Variants in FHIT observed in about 807,000 individuals in gnomAD.
FHIT encodes bis(5'-adenosyl)-triphosphatase.
In FHIT, 19 loss-of-function variants were observed where a neutral mutation model predicts 17.9. That is an observed-to-expected ratio of 1.06 (90% confidence interval 0.74 to 1.56). The LOEUF (loss-of-function observed/expected upper bound fraction) is 1.56. Ranked by LOEUF, FHIT falls within the 40% of genes most tolerant of loss-of-function variation. FHIT has a pLI of 0.00. For synonymous variants in FHIT, 81 were observed against 69.7 expected (o/e 1.16, Z -0.81); for missense variants, 248 against 189.2 (o/e 1.31, Z -1.82).
intron 5 of FHIT, among the ~76,000 whole-genome samples, chr3:60,047,910 G>A (rs751223498): frequency 2.6e-5 from 4 of 152,172 alleles, no homozygotes; most frequent in Admixed American, 6.5e-5. Flanking sequence ...AGGTGTATCA[G>A]TTTGGTGGGG....
intron 1 of FHIT, among the ~76,000 whole-genome samples, chr3:61,209,432 TC>T (rs1436264597): frequency 6.6e-6 from 1 of 152,220 alleles, no homozygotes; most frequent in African/African-American, 2.4e-5. Flanking sequence ...GGTTCCATTC[TC>T]CCCGTCACTT....
At chr3:61,000,421 A>C (rs568125317) in intron 3 of FHIT, among the ~76,000 whole-genome samples, 5 of 152,330 alleles carry the variant, frequency 3.3e-5, no homozygotes, top group African/African-American at 1.2e-4. Context: ...TAAGACATTA[A>C]AAGGTCAAAG....
At chr3:60,032,935 C>A (rs1253235446) in intron 5 of FHIT, among the ~76,000 whole-genome samples, 1 of 151,940 alleles carries the variant, frequency 6.6e-6, no homozygotes, top group Non-Finnish European at 1.5e-5. Flanking sequence ...ACACCAAACA[C>A]AAGATAGAGA....
chr3:60,549,615 G>T (rs1388161548), intron 4 of FHIT, among the ~76,000 whole-genome samples: 2 of 152,090 alleles, frequency 1.3e-5, no homozygotes, highest in East Asian at 3.9e-4. Context: ...CCAAAACTTT[G>T]TTAATGCCAG....
At chr3:60,654,099 G>A (rs911530492) in intron 4 of FHIT, among the ~76,000 whole-genome samples, 2 of 117,120 alleles carry the variant, frequency 1.7e-5, no homozygotes, top group Non-Finnish European at 3.5e-5. Flanking sequence ...TCCTGTCTTC[G>A]TCACATTATG....
At position 60,497,267 on chromosome 3, in the gene FHIT, G is replaced by C. The variant is rs184479418; in HGVS notation, c.103+39593C>G. 2.4e-3 allele frequency among the ~76,000 whole-genome samples: 372 copies of C among 152,066 alleles called. 2 individuals carry two copies. Among genetic ancestry groups the C allele is most frequent in the African/African-American group, 8.3e-3 (345 of 41,380 alleles). ...AAGGCAGCCCTAAAAACAGAGGAAG[G>C]AGAATAAGATGACAGGTGGGGAAGA... On this transcript the variant is annotated intron_variant, in intron 5 of 9. Transcript: ENST00000492590.
chr3:60,444,171 G>A (rs1423280198), intron 5 of FHIT, among the ~76,000 whole-genome samples: 1 of 152,030 alleles, frequency 6.6e-6, no homozygotes, highest in Non-Finnish European at 1.5e-5. Context: ...TTAGAATGGT[G>A]ATCATTAAAA....
rs560607280 is a variant in FHIT at position 61,109,724 on chromosome 3, T to C, written c.-163-67625A>G. 7.2e-5 allele frequency among the ~76,000 whole-genome samples: 11 copies of C among 152,266 alleles called. No homozygotes were observed. The South Asian group carries it at 2.3e-3, about 32-fold the overall frequency. The stretch of plus-strand genomic sequence containing the variant: ...TGTCATAAGGCATTTCTACACACTC[T>C]CACTTGAAGGAACCACCTCCATTAG... On this transcript the variant is annotated intron_variant, in intron 2 of 9. Transcript: ENST00000492590.
intron 2 of FHIT, among the ~76,000 whole-genome samples, chr3:61,164,984 T>C (rs1022784755): frequency 6.6e-6 from 1 of 152,246 alleles, no homozygotes; most frequent in Non-Finnish European, 1.5e-5. Context: ...TCTTTTTTTA[T>C]GACTGTATTG....
chr3:59,977,851 G>A (rs750265968), intron 7 of FHIT, among the ~76,000 whole-genome samples: 1 of 152,132 alleles, frequency 6.6e-6, no homozygotes, highest in Non-Finnish European at 1.5e-5. Context: ...TTAAATGATA[G>A]ACACATTAAA....
At chr3:60,168,406 C>T (rs901886262) in intron 5 of FHIT, among the ~76,000 whole-genome samples, 2 of 152,140 alleles carry the variant, frequency 1.3e-5, no homozygotes, top group Non-Finnish European at 2.9e-5. Context: ...TCTGCCAATA[C>T]CAACCATCAA....
intron 5 of FHIT, among the ~76,000 whole-genome samples, chr3:60,367,498 T>C (rs1216705570): frequency 2.0e-5 from 3 of 152,194 alleles, no homozygotes; most frequent in Admixed American, 6.6e-5. Context: ...AACGAGGAAG[T>C]GGGAAAATCT....
intron 8 of FHIT, among the ~76,000 whole-genome samples, chr3:59,830,061 G>T (rs2106699572): frequency 6.6e-6 from 1 of 152,206 alleles, no homozygotes; most frequent in East Asian, 1.9e-4. Flanking sequence ...GGGTGACAGA[G>T]ACCCTGTCTC....
At chr3:60,739,130 C>A (rs2108005162) in intron 4 of FHIT, among the ~76,000 whole-genome samples, 1 of 152,284 alleles carries the variant, frequency 6.6e-6, no homozygotes, top group African/African-American at 2.4e-5. Context: ...CAGCCAGCTC[C>A]CCATCCATCC....
At chr3:60,445,671 G>C (rs972186830) in intron 5 of FHIT, among the ~76,000 whole-genome samples, 2 of 151,850 alleles carry the variant, frequency 1.3e-5, no homozygotes, top group African/African-American at 4.8e-5. Context: ...ACTTAAGCCT[G>C]TCTGAACTTG....
At chr3:60,180,315 A>G (rs1394297118) in intron 5 of FHIT, among the ~76,000 whole-genome samples, 1 of 152,214 alleles carries the variant, frequency 6.6e-6, no homozygotes, top group Non-Finnish European at 1.5e-5. Context: ...TGAAGTTATA[A>G]AAAGGAGAAA....
chr3:60,665,778 A>G (rs2040367802), intron 4 of FHIT, among the ~76,000 whole-genome samples: 2 of 152,014 alleles, frequency 1.3e-5, no homozygotes, highest in African/African-American at 2.4e-5. Context: ...CAAGGTAACT[A>G]TTGATAAGTT....
chr3:60,665,939 G>T (rs1465523911), intron 4 of FHIT, among the ~76,000 whole-genome samples: 1 of 151,968 alleles, frequency 6.6e-6, no homozygotes, highest in African/African-American at 2.4e-5. Flanking sequence ...GTACTTCTTT[G>T]TATAGTTTTC....
At chr3:60,261,197 T>C (rs1038202962) in intron 5 of FHIT, among the ~76,000 whole-genome samples, 5 of 152,224 alleles carry the variant, frequency 3.3e-5, no homozygotes, top group Non-Finnish European at 5.9e-5. Context: ...ATAAAGTTGA[T>C]TTCACTTTAC....
Sources: allele counts gnomAD v4.1 joint callset (sites outside exome capture counted in the v4.1 genomes callset), GRCh38; gene constraint gnomAD v4.1.1; transcripts MANE v1.5; gene names NCBI Gene and HGNC (gene_info 2026-07-23, HGNC 2026-07-21).